Variants in SH3RF1 observed in about 807,000 individuals in gnomAD.
The protein encoded by SH3RF1 is E3 ubiquitin-protein ligase SH3RF1.
In SH3RF1, 32 loss-of-function variants were observed where a neutral mutation model predicts 74.0. The observed-to-expected ratio is 0.43, with a 90% CI of 0.33 to 0.58. The LOEUF is 0.58. Among genes scored for constraint, SH3RF1 ranks in the 20% least tolerant of loss-of-function variants. The pLI is 0.05. For missense variants in SH3RF1, 954 were observed against 1,130.9 expected (o/e 0.84, Z 2.24); for synonymous variants, 396 against 439.6 (o/e 0.90, Z 1.24).
At chr4:169,125,207 A>C (rs931655545) in intron 6 of SH3RF1, among the ~76,000 whole-genome samples, 1 of 152,172 alleles carries the variant, frequency 6.6e-6, no homozygotes, top group Non-Finnish European at 1.5e-5. Flanking sequence ...GGGTCAAAAA[A>C]AAACATAGAT....
At chr4:169,165,509 C>T (rs1378423540) in intron 2 of SH3RF1, among the ~76,000 whole-genome samples, 3 of 151,862 alleles carry the variant, frequency 2.0e-5, no homozygotes, top group African/African-American at 7.3e-5. Flanking sequence ...TGGTGAAACC[C>T]CATCTCTTAA....
intron 10 of SH3RF1, among the ~76,000 whole-genome samples, chr4:169,107,754 C>G (rs1164265842): frequency 6.6e-6 from 1 of 152,204 alleles, no homozygotes; most frequent in Non-Finnish European, 1.5e-5. Flanking sequence ...CATTTACAGG[C>G]AGTGATCAGA....
At chr4:169,113,549 G>A (rs1380356506) in intron 10 of SH3RF1, among the ~76,000 whole-genome samples, 3 of 152,232 alleles carry the variant, frequency 2.0e-5, no homozygotes, top group Non-Finnish European at 4.4e-5. Context: ...ATAAGTCACA[G>A]CAGAAATGAT....
At position 169,107,149 on chromosome 4, in the gene SH3RF1, G is replaced by C. The variant is rs548245675; in HGVS notation, c.2196C>G (p.Pro732=). ...LLSGASTKRK[P]RVSPPASPTL... is the part of the protein sequence containing the mutation. The stretch of plus-strand genomic sequence containing the variant: ...TGGGCGATGCTGGAGGAGACACGCG[G>C]GGCTTCCGTTTAGTGGAGGCGCCAG... The change falls in exon 11 of 12, where the codon CCC becomes CCG. Residue 732 remains proline (P), a synonymous_variant. Coordinates refer to ENST00000284637, the MANE Select transcript of SH3RF1 (RefSeq NM_020870.4). The C allele has an allele frequency of 1.9e-6, 3 of 1,593,584 alleles. No homozygotes were observed. Among genetic ancestry groups the C allele is most frequent in the South Asian group, 2.3e-5 (2 of 88,234 alleles).
At chr4:169,162,169 A>T (rs1561040842) in intron 2 of SH3RF1, among the ~76,000 whole-genome samples, 1 of 151,528 alleles carries the variant, frequency 6.6e-6, no homozygotes, top group Non-Finnish European at 1.5e-5. Flanking sequence ...AAAAAAAAGT[A>T]AAAAAAAATA....
At position 169,269,037 on chromosome 4, in the gene SH3RF1, C is replaced by T. The variant is rs115035753; in HGVS notation, c.176G>A (p.Gly59Asp). The T allele has an allele frequency of 6.8e-6, 11 of 1,614,164 alleles. No homozygotes were observed. Among genetic ancestry groups the T allele is most frequent in the Non-Finnish European group, 9.3e-6 (11 of 1,180,038 alleles). ...CPECRTLVGS[G>D]VEELPSNILL... Reference sequence around the variant, plus strand: ...GATGTTACTGGGAAGCTCCTCGACACCCGAGCCAACAAGAGTCCTGCACTC... The same window carrying T: ...GATGTTACTGGGAAGCTCCTCGACATCCGAGCCAACAAGAGTCCTGCACTC... Residue 59 changes from glycine (G) to aspartate (D), a missense_variant, in exon 2 of 12, where the codon GGT becomes GAT. By Grantham distance (94) the Gly-to-Asp change is moderately conservative (BLOSUM62 -1). This residue lies in a region of SH3RF1 where 64 missense variants were observed against 101.9 expected (regional missense o/e 0.63). Transcript: ENST00000284637.
At chr4:169,116,657 C>G in intron 9 of SH3RF1, 27 bp from the exon 10 acceptor site, 2 of 1,511,436 alleles carry the variant, frequency 1.3e-6, no homozygotes, top group Non-Finnish European at 8.9e-7. Flanking sequence ...GGGAACACAG[C>G]AAAATTCAAC....
intron 2 of SH3RF1, among the ~76,000 whole-genome samples, chr4:169,254,970 A>AG: frequency 6.6e-6 from 1 of 152,358 alleles, no homozygotes; most frequent in Non-Finnish European, 1.5e-5. Context: ...GAAGAGGTAC[A>AG]GGGGAGCACC....
intron 4 of SH3RF1, among the ~76,000 whole-genome samples, chr4:169,154,803 T>A (rs1470637105): frequency 6.6e-6 from 1 of 152,198 alleles, no homozygotes; most frequent in African/African-American, 2.4e-5. Flanking sequence ...CCAAAGGACA[T>A]TTAGTTTATG....
intron 2 of SH3RF1, among the ~76,000 whole-genome samples, chr4:169,203,788 C>A (rs1201945924): frequency 6.6e-6 from 1 of 152,052 alleles, no homozygotes; most frequent in African/African-American, 2.4e-5. Context: ...CTTCCATACT[C>A]CCTACAAGAT....
intron 2 of SH3RF1, among the ~76,000 whole-genome samples, chr4:169,203,740 C>T (rs186389727): frequency 2.6e-5 from 4 of 152,234 alleles, no homozygotes; most frequent in Admixed American, 1.3e-4. Flanking sequence ...AACTGTGAAA[C>T]GAATGACTGA....
At chr4:169,125,306 G>A (rs1733507428) in intron 6 of SH3RF1, among the ~76,000 whole-genome samples, 1 of 152,180 alleles carries the variant, frequency 6.6e-6, no homozygotes, top group Non-Finnish European at 1.5e-5. Context: ...TTCTCTCTGA[G>A]TGGGCAGCAT....
chr4:169,163,092 T>C (rs538924289), intron 2 of SH3RF1, among the ~76,000 whole-genome samples: 5 of 115,526 alleles, frequency 4.3e-5, no homozygotes, highest in Admixed American at 3.0e-4. Flanking sequence ...GGGGGCAAGG[T>C]AGAGGGAGAG....
intron 11 of SH3RF1, among the ~76,000 whole-genome samples, chr4:169,103,899 A>G (rs143031757): frequency 0.011 from 1,674 of 152,306 alleles, 12 homozygotes; most frequent in Non-Finnish European, 0.015. Context: ...TATACAAAAA[A>G]ACCTATCAAA....
chr4:169,199,232 G>GTACC (rs764337422), intron 2 of SH3RF1, among the ~76,000 whole-genome samples: 86 of 152,242 alleles, frequency 5.6e-4, no homozygotes, highest in Non-Finnish European at 1.2e-3. Context: ...AATTTCAAAG[G>GTACC]TACCCATAAA....
At chr4:169,223,817 G>A (rs181120461) in intron 2 of SH3RF1, among the ~76,000 whole-genome samples, 221 of 152,318 alleles carry the variant, frequency 1.5e-3, no homozygotes, top group Middle Eastern at 0.01. Flanking sequence ...TGTGAGCAGA[G>A]ACTGGATTCA....
At position 169,130,164 on chromosome 4, in the gene SH3RF1, GA is replaced by G. The variant is rs1235921329; in HGVS notation, c.1069-9del. 7 of 1,532,590 alleles carry G rather than the reference GA, an allele frequency of 4.6e-6. No homozygotes were observed. Among genetic ancestry groups the G allele is most frequent in the African/African-American group, 1.4e-5 (1 of 70,320 alleles). 94.9% of individuals were successfully genotyped at this position (1,532,590 alleles called of 1,614,324 possible). A position where few individuals can be genotyped will look rare whatever the true frequency, so the allele number is the denominator to read the frequency against. On this transcript the variant is annotated splice_polypyrimidine_tract_variant and intron_variant, in intron 5 of 11. Transcript: ENST00000284637. ...GGTGGTACTTATATGAACCTGCCGAGAAAAGAAAAGTTATTAAAAAGAAGAC... is the reference window on the plus strand; with the variant it reads ...GGTGGTACTTATATGAACCTGCCGAGAAAGAAAAGTTATTAAAAAGAAGAC...
chr4:169,237,819 A>C (rs1730843921), intron 2 of SH3RF1, among the ~76,000 whole-genome samples: 2 of 152,212 alleles, frequency 1.3e-5, no homozygotes, highest in Admixed American at 1.3e-4. Flanking sequence ...AAGCTTATTC[A>C]AGACCTGTAG....
intron 2 of SH3RF1, among the ~76,000 whole-genome samples, chr4:169,253,926 T>C (rs1336515526): frequency 6.6e-6 from 1 of 152,240 alleles, no homozygotes; most frequent in East Asian, 1.9e-4. Context: ...CAGAACATTC[T>C]TTCTAATAAA....
Sources: gnomAD v4.1 joint callset for allele counts (sites outside exome capture counted in the v4.1 genomes callset) on GRCh38, gnomAD v4.1.1 for gene constraint, gnomAD v4.1.1 regional missense constraint, MANE v1.5 for transcripts, NCBI Gene and HGNC (gene_info 2026-07-23, HGNC 2026-07-21) for gene names.